The following ZHX3 variants were observed in gnomAD, a reference collection of about 807,000 sequenced individuals.
ZHX3 encodes zinc fingers and homeoboxes 3.
Under a neutral mutation model 64.5 loss-of-function variants are expected in ZHX3, and 20 were observed. That is an observed-to-expected ratio of 0.31 (90% confidence interval 0.22 to 0.45). The LOEUF is 0.45. Ranked by LOEUF, ZHX3 falls within the 20% of genes least tolerant of loss-of-function variation. The pLI, the probability that ZHX3 is intolerant of heterozygous loss-of-function variation, is 1.00. For synonymous variants in ZHX3, 423 were observed against 461.6 expected (o/e 0.92, Z 1.07); for missense variants, 1,041 against 1,195.8 (o/e 0.87, Z 1.91).
At chr20:41,286,465 C>T (rs1039249604) in intron 1 of ZHX3, among the ~76,000 whole-genome samples, 1 of 152,126 alleles carries the variant, frequency 6.6e-6, no homozygotes, top group African/African-American at 2.4e-5. Flanking sequence ...TTGCTGCTGT[C>T]GAAAAGTCTT....
intron 1 of ZHX3, among the ~76,000 whole-genome samples, chr20:41,288,361 T>C (rs1047612676): frequency 2.0e-5 from 3 of 152,244 alleles, no homozygotes; most frequent in Admixed American, 1.3e-4. Flanking sequence ...GAAATCTCCA[T>C]GGTGGTAGTG....
chr20:41,268,198 T>C (rs894212532), intron 2 of ZHX3, among the ~76,000 whole-genome samples: 2 of 152,178 alleles, frequency 1.3e-5, no homozygotes, highest in African/African-American at 4.8e-5. Flanking sequence ...GCATCACACA[T>C]CATCAATGAC....
chr20:41,282,255 A>C (rs1408345598), intron 1 of ZHX3, among the ~76,000 whole-genome samples: 1 of 151,976 alleles, frequency 6.6e-6, no homozygotes, highest in African/African-American at 2.4e-5. Context: ...CAATCACTTA[A>C]CTTCTCATCT....
At chr20:41,266,928 T>C (rs919211535) in intron 2 of ZHX3, among the ~76,000 whole-genome samples, 10 of 132,352 alleles carry the variant, frequency 7.6e-5, no homozygotes, top group African/African-American at 2.8e-4. Context: ...CACTGCAACC[T>C]CCGCCTCCCG....
chr20:41,264,728 GAA>G (rs1193293573), intron 2 of ZHX3, among the ~76,000 whole-genome samples: 1 of 151,946 alleles, frequency 6.6e-6, no homozygotes, highest in African/African-American at 2.4e-5. Flanking sequence ...AAAAGAAACG[GAA>G]AGAGAGAAAA....
intron 1 of ZHX3, among the ~76,000 whole-genome samples, chr20:41,307,687 T>C (rs979441742): frequency 6.6e-6 from 1 of 152,192 alleles, no homozygotes; most frequent in South Asian, 2.1e-4. Context: ...TTAGTAAACA[T>C]AAAATATCAA....
intron 1 of ZHX3, among the ~76,000 whole-genome samples, chr20:41,271,103 C>A (rs1412408284): frequency 2.0e-5 from 3 of 152,180 alleles, no homozygotes; most frequent in Non-Finnish European, 1.5e-5. Context: ...TCACTGCAAC[C>A]TCCGCCTCCC....
chr20:41,269,094 A>G lies in ZHX3; in HGVS notation c.-244-11T>C, dbSNP rs530561981. The G allele has an allele frequency of 6.6e-6, 1 of 152,346 alleles. No homozygotes were observed. The highest frequency in any genetic ancestry group is 1.9e-4 in the East Asian group (1 of 5,186). 9.4% of individuals were successfully genotyped at this position (152,346 alleles called of 1,614,324 possible). ...AGTTGCATTTCAGTCCTATAAAAGA[A>G]GCAGCACATCATCACTTTATGAGAA... On this transcript the variant is annotated splice_polypyrimidine_tract_variant and intron_variant, in intron 1 of 3. Coordinates refer to ENST00000683867, the MANE Select transcript of ZHX3 (RefSeq NM_001384317.1).
Position 41,203,825 on chromosome 20 carries a change from G to C in ZHX3, c.1092C>G (p.Ser364=). The C allele has an allele frequency of 1.9e-6, 3 of 1,614,240 alleles. No homozygotes were observed. The highest frequency in any genetic ancestry group is 2.5e-6 in the Non-Finnish European group (3 of 1,180,050). Residue 364 remains serine, a synonymous_variant, in exon 3 of 4, where the codon TCC becomes TCG. Transcript: ENST00000683867. This position sits in a 1 kb window ranked among gnomAD's most constrained non-coding sequence, Gnocchi z 7.1. ...TCCGGGCATCCTCAATCTCCTCAGG[G>C]GACCAGCTGATCCCCTGCTTCAGCC... The part of the protein sequence containing the change: ...AQRLKQGISW[S]PEEIEDARKK...
intron 2 of ZHX3, chr20:41,267,679 G>T (rs1481162335): frequency 6.6e-6 from 1 of 152,202 alleles, no homozygotes; most frequent in Non-Finnish European, 1.5e-5. Flanking sequence ...TCAATTGAGG[G>T]TACCATACAA....
chr20:41,259,457 T>A (rs1302926228), intron 2 of ZHX3, among the ~76,000 whole-genome samples: 1 of 152,240 alleles, frequency 6.6e-6, no homozygotes, highest in Non-Finnish European at 1.5e-5. Context: ...TAGTAAAAAA[T>A]TGGGAATAAT....
At chr20:41,273,986 G>GTTTTT (rs2043270142) in intron 1 of ZHX3, among the ~76,000 whole-genome samples, 1 of 152,126 alleles carries the variant, frequency 6.6e-6, no homozygotes, top group Non-Finnish European at 1.5e-5. Flanking sequence ...ATTCTATGAT[G>GTTTTT]TAATTTTAAG....
chr20:41,233,811 G>C (rs1195440673), intron 2 of ZHX3, among the ~76,000 whole-genome samples: 1 of 152,198 alleles, frequency 6.6e-6, no homozygotes, highest in Non-Finnish European at 1.5e-5. Flanking sequence ...AAGTTGTCCA[G>C]GCAGACAAGA....
chr20:41,216,399 A>G (rs2039536113), intron 2 of ZHX3, among the ~76,000 whole-genome samples: 2 of 152,232 alleles, frequency 1.3e-5, no homozygotes, highest in Admixed American at 1.3e-4. Flanking sequence ...AGTGCAGTAT[A>G]TATGATTTCA....
In ZHX3 at chr20:41,181,324, A is replaced by G. The variant is rs919198033; in HGVS notation, c.*3867T>C. ...TGTGAAAATTTAAATTTAATACAAA[A>G]GCACATCTGCAAATGGTGAGTCAAA... On this transcript the variant is annotated 3_prime_UTR_variant, in exon 4 of 4. Coordinates refer to ENST00000683867, the MANE Select transcript of ZHX3 (RefSeq NM_001384317.1). 3 of 152,242 alleles carry G rather than the reference A, an allele frequency of 2.0e-5. No individual in the cohort carries two copies. Among genetic ancestry groups the G allele is most frequent in the African/African-American group, 7.2e-5 (3 of 41,464 alleles). The allele number at this position is 152,242 out of a possible 1,614,324, so 9.4% of individuals were successfully genotyped here. A position where few individuals can be genotyped will look rare whatever the true frequency, so the allele number is the denominator to read the frequency against.
intron 3 of ZHX3, among the ~76,000 whole-genome samples, chr20:41,197,405 T>C (rs1249228059): frequency 6.8e-6 from 1 of 147,512 alleles, no homozygotes; most frequent in Non-Finnish European, 1.5e-5. Flanking sequence ...ATTTTATATA[T>C]AATTGTATAT....
chr20:41,316,820 T>C (rs2045301729), intron 1 of ZHX3: 1 of 152,202 alleles, frequency 6.6e-6, no homozygotes, highest in African/African-American at 2.4e-5. Context: ...TGAATGAAAA[T>C]CCCAAACTGG....
At position 41,269,577 on chromosome 20, in the gene ZHX3, T is replaced by G. The variant is rs970358643; in HGVS notation, c.-244-494A>C. The G allele has an allele frequency of 2.6e-4, 39 of 151,902 alleles. 1 individual carries two copies. Among genetic ancestry groups the G allele is most frequent in the African/African-American group, 9.0e-4 (37 of 41,324 alleles). 9.4% of individuals were successfully genotyped at this position (151,902 alleles called of 1,614,324 possible). On this transcript the variant is annotated intron_variant, in intron 1 of 3. Coordinates refer to ENST00000683867, the MANE Select transcript of ZHX3 (RefSeq NM_001384317.1). ...GACCATTATTACCCCTATTTCATCA[T>G]GGCACTTTCGGTAAATGAATGAGAC...
chr20:41,187,146 C>T (rs929152391), intron 3 of ZHX3, among the ~76,000 whole-genome samples: 1 of 151,658 alleles, frequency 6.6e-6, no homozygotes, highest in South Asian at 2.1e-4. Flanking sequence ...TAGCAAGATC[C>T]TGTCTACACA....
Sources: gnomAD v4.1 joint callset for allele counts (sites outside exome capture counted in the v4.1 genomes callset) on GRCh38, gnomAD v4.1.1 for gene constraint, Gnocchi (gnomAD v3.1) non-coding constraint, MANE v1.5 for transcripts, NCBI Gene and HGNC (gene_info 2026-07-23, HGNC 2026-07-21) for gene names.